The following PDGFRB variants were observed in gnomAD, a reference collection of about 807,000 sequenced individuals.
PDGFRB encodes platelet derived growth factor receptor beta.
A neutral mutation model predicts 120.2 loss-of-function variants in PDGFRB; 42 were observed. The observed-to-expected ratio is 0.35, with a 90% CI of 0.27 to 0.45. The LOEUF (loss-of-function observed/expected upper bound fraction) is 0.45, where lower values mean the gene tolerates loss of function less well. Among genes scored for constraint, PDGFRB ranks in the 20% least tolerant of loss-of-function variants. PDGFRB has a pLI of 1.00. For synonymous variants in PDGFRB, 586 were observed against 606.8 expected, an observed-to-expected ratio of 0.97 and a Z score of 0.50; for missense variants, 1,149 against 1,476.3, an observed-to-expected ratio of 0.78 and a Z score of 3.63.
intron 10 of PDGFRB, among the ~76,000 whole-genome samples, chr5:150,126,823 AC>A (rs1328475868): frequency 1.3e-5 from 2 of 151,828 alleles, no homozygotes; most frequent in African/African-American, 4.8e-5. Context: ...CTCAGTAACT[AC>A]CCCCACTCAG....
In PDGFRB at chr5:150,121,800, C is replaced by T. The variant is rs925444898; in HGVS notation, c.2344+80G>A. 1.8e-5 allele frequency: 21 copies of T among 1,138,264 alleles called. No homozygotes were observed. Among genetic ancestry groups the T allele is most frequent in the Admixed American group, 5.4e-5 (3 of 55,448 alleles). The allele number at this position is 1,138,264 out of a possible 1,614,324, so 70.5% of individuals were successfully genotyped here. On this transcript the variant is annotated intron_variant, in intron 16 of 22. Coordinates refer to ENST00000261799, the MANE Select transcript of PDGFRB (RefSeq NM_002609.4). This position sits in a 1 kb window ranked among gnomAD's most constrained non-coding sequence, Gnocchi z 4.1. ...AATGGGCACGAGGCTCCCTTCTTCT[C>T]AGGGTTTTTGGCAAGGCTGGGCATG...
rs2113894840 is a variant in PDGFRB at position 150,124,294 on chromosome 5, G to A, written c.1979C>T (p.Pro660Leu). The A allele has an allele frequency of 1.2e-6, 2 of 1,614,062 alleles. No homozygotes were observed. Among genetic ancestry groups the A allele is most frequent in the Non-Finnish European group, 1.7e-6 (2 of 1,179,940 alleles). Residue 660 changes from proline (P) to leucine (L), a missense_variant, in exon 14 of 23, where the codon CCC (proline) becomes CTC (leucine). By Grantham distance (98) the Pro-to-Leu change is moderately conservative. Around this residue, in one of 3 missense-constraint regions of PDGFRB, gnomAD observed 879 missense variants for 1,108.6 expected, o/e 0.79. Coordinates refer to ENST00000261799, the MANE Select transcript of PDGFRB (RefSeq NM_002609.4). ...CAACAGGTTGACCACGTTCAGGTGG[G>A]GCCCAAGGTGACTCATGATCTTCAG... ...SELKIMSHLGPHLNVVNLLGA... is the reference protein window; with the variant it reads ...SELKIMSHLGLHLNVVNLLGA...
chr5:150,149,988 G>C (rs1233348895), intron 1 of PDGFRB, among the ~76,000 whole-genome samples: 2 of 152,190 alleles, frequency 1.3e-5, no homozygotes, highest in African/African-American at 4.8e-5. Context: ...CTTCTCCCTT[G>C]GCTTCTCCCC....
intron 3 of PDGFRB, 94 bp from the exon 4 acceptor site, chr5:150,135,110 C>T: frequency 1.5e-6 from 1 of 680,338 alleles, no homozygotes; most frequent in Non-Finnish European, 2.6e-6. Flanking sequence ...ATCTCTGGCC[C>T]TCTGTCTCCC....
At chr5:150,152,732 T>C (rs1045010035) in intron 1 of PDGFRB, among the ~76,000 whole-genome samples, 6 of 152,236 alleles carry the variant, frequency 3.9e-5, no homozygotes, top group Non-Finnish European at 8.8e-5. Flanking sequence ...AGGTCCCTTC[T>C]GTGGGCAGAG....
intron 2 of PDGFRB, among the ~76,000 whole-genome samples, chr5:150,136,595 G>A (rs1760639632): frequency 6.6e-6 from 1 of 152,184 alleles, no homozygotes. Flanking sequence ...CCCCTGCAGA[G>A]CTGAAGACAT....
At chr5:150,145,920 C>T (rs912090785) in intron 1 of PDGFRB, among the ~76,000 whole-genome samples, 2 of 152,150 alleles carry the variant, frequency 1.3e-5, no homozygotes, top group South Asian at 2.1e-4. Flanking sequence ...CTTATCTTTT[C>T]GCCTTCTTTG....
At chr5:150,141,785 G>C (rs1760791675) in intron 1 of PDGFRB, among the ~76,000 whole-genome samples, 1 of 152,160 alleles carries the variant, frequency 6.6e-6, no homozygotes, top group Non-Finnish European at 1.5e-5. Context: ...CGCACGTGCT[G>C]AGGGGACGAT....
In PDGFRB at chr5:150,147,982, C is replaced by T. The variant is rs554837174; in HGVS notation, c.-7+7415G>A. ...GACTCCACGGGACTAGGCTTCTCAG[C>T]AAAGTGATGCATGTGATAAATGAGA... On this transcript the variant is annotated intron_variant, in intron 1 of 22. Coordinates refer to ENST00000261799, the MANE Select transcript of PDGFRB (RefSeq NM_002609.4). 9.5e-4 allele frequency among the ~76,000 whole-genome samples: 144 copies of T among 152,274 alleles called. 2 individuals carry two copies. The highest frequency in any genetic ancestry group is 3.2e-3 in the African/African-American group (134 of 41,550).
At chr5:150,123,664 C>T (rs1405289532) in intron 14 of PDGFRB, among the ~76,000 whole-genome samples, 1 of 152,160 alleles carries the variant, frequency 6.6e-6, no homozygotes, top group African/African-American at 2.4e-5. Context: ...TCTACACAAA[C>T]GAAAATGTTG....
rs1445853212 is a variant in PDGFRB, at chr5:150,154,681, G to A, written c.-7+716C>T. Among the ~76,000 whole-genome samples, 10 of 152,136 alleles carry A rather than the reference G, an allele frequency of 6.6e-5. No individual in the cohort carries two copies. In the South Asian group the frequency reaches 1.0e-3, roughly 16 times the overall value. On this transcript the variant is annotated intron_variant, in intron 1 of 22. Transcript: ENST00000261799. ...TCCAGAAGGAGGGAGACAACGAGGA[G>A]GCCTGAGCAGCTGCCTGGGACCAAA...
Position 150,123,142 on chromosome 5 carries a change from G to C in PDGFRB, c.2083C>G (p.Arg695Gly). The C allele has an allele frequency of 1.2e-6, 2 of 1,613,734 alleles. No homozygotes were observed. The highest frequency in any genetic ancestry group is 1.7e-6 in the Non-Finnish European group (2 of 1,179,724). ...RYGDLVDYLH[R>G]NKHTFLQHHS... is the part of the protein sequence containing the mutation. ...TGCTGCAGGAAGGTGTGTTTGTTGCGGTGCAGGTAGTCCACCAGGTCTCCG... is the reference window on the plus strand; with the variant it reads ...TGCTGCAGGAAGGTGTGTTTGTTGCCGTGCAGGTAGTCCACCAGGTCTCCG... Residue 695 changes from arginine to glycine, a missense_variant, in exon 15 of 23, where the codon CGC (arginine) becomes GGC (glycine). Arg to Gly is a moderately radical substitution (Grantham distance 125). Coordinates refer to ENST00000261799, the MANE Select transcript of PDGFRB (RefSeq NM_002609.4).
Position 150,123,094 on chromosome 5 carries a change from G to T in PDGFRB, c.2131C>A (p.Pro711Thr). ...LQHHSDKRRP[P>T]SAELYSNALP... ...GCATTGCTGTAGAGCTCCGCGCTGG[G>T]CGGGCGGCGCTTGTCGGAGTGGTGC... The change falls in exon 15 of 23, where the codon CCC becomes ACC. Residue 711 changes from proline (P) to threonine (T), a missense_variant. Pro to Thr is a conservative substitution (Grantham distance 38). Transcript: ENST00000261799. 1 of 1,613,916 alleles carries T rather than the reference G, an allele frequency of 6.2e-7. No individual in the cohort carries two copies.
intron 1 of PDGFRB, among the ~76,000 whole-genome samples, chr5:150,152,712 C>A (rs1056343278): frequency 3.1e-4 from 47 of 151,880 alleles, no homozygotes; most frequent in African/African-American, 1.1e-3. Flanking sequence ...TTGGAACATA[C>A]ATGGTGTCCA....
chr5:150,126,132 T>G (rs1371999442), intron 11 of PDGFRB, among the ~76,000 whole-genome samples: 1 of 152,198 alleles, frequency 6.6e-6, no homozygotes, highest in Non-Finnish European at 1.5e-5. Context: ...ACACTGAAAT[T>G]ACAGACTAAT....
intron 19 of PDGFRB, 26 bp downstream of exon 19, chr5:150,119,986 A>G (rs1561988117): frequency 8.8e-7 from 1 of 1,139,494 alleles, no homozygotes; most frequent in Non-Finnish European, 1.3e-6. Context: ...CAGGATGCTG[A>G]GGGCTGGAGG....
In PDGFRB at chr5:150,115,695, C is replaced by G. The variant is rs1759905275; in HGVS notation, c.*68G>C. On this transcript the variant is annotated 3_prime_UTR_variant, in exon 23 of 23. Transcript: ENST00000261799. ...CTGGCTGACAGGAAGCCCGGTCAGG[C>G]CAGGCCAGGAGATGCTGGGTGCTGG... 1 of 1,453,334 alleles carries G rather than the reference C, an allele frequency of 6.9e-7. No individual in the cohort carries two copies. The allele number at this position is 1,453,334 out of a possible 1,614,324, so 90.0% of individuals were successfully genotyped here.
chr5:150,146,506 G>A (rs1012292155), intron 1 of PDGFRB, among the ~76,000 whole-genome samples: 20 of 152,178 alleles, frequency 1.3e-4, no homozygotes, highest in South Asian at 4.1e-4. Context: ...GCAAAGGAAC[G>A]GGAATGCAAA....
At position 150,132,228 on chromosome 5, in the gene PDGFRB, C is replaced by T. The variant is rs1236161099; in HGVS notation, c.1128-134G>A. The T allele has an allele frequency of 8.1e-6, 5 of 613,754 alleles. No homozygotes were observed. Among genetic ancestry groups the T allele is most frequent in the Admixed American group, 5.5e-5 (2 of 36,452 alleles). 38.0% of individuals were successfully genotyped at this position (613,754 alleles called of 1,614,324 possible). ...GTCATCTCGGCATTGGTAGCAGAGC[C>T]GGGACTCAAACCAGGTCTCGTAAAT... is the stretch of plus-strand genomic sequence containing the variant. On this transcript the variant is annotated intron_variant, in intron 7 of 22. Coordinates refer to ENST00000261799, the MANE Select transcript of PDGFRB (RefSeq NM_002609.4). The surrounding 1 kb of genome is among the most constrained non-coding windows in gnomAD (Gnocchi z 5.0).
Sources: gnomAD v4.1 joint callset for allele counts (sites outside exome capture counted in the v4.1 genomes callset) on GRCh38, gnomAD v4.1.1 for gene constraint, gnomAD v4.1.1 regional missense constraint, Gnocchi (gnomAD v3.1) non-coding constraint, MANE v1.5 for transcripts, NCBI Gene and HGNC (gene_info 2026-07-23, HGNC 2026-07-21) for gene names.